Variants in IMPACT observed in about 807,000 individuals in gnomAD.
The protein encoded by IMPACT is impact RWD domain protein.
A neutral mutation model predicts 47.5 loss-of-function variants in IMPACT; 35 were observed. That is an observed-to-expected ratio of 0.74 (90% CI 0.56 to 0.98). The LOEUF is 0.98. IMPACT is among the 50% of genes least tolerant of loss of function. The pLI is 0.00. For synonymous variants in IMPACT, 118 were observed against 125.6 expected (o/e 0.94, Z 0.40); for missense variants, 373 against 394.8 (o/e 0.94, Z 0.47).
At chr18:24,427,103 C>G (rs1013157858) in intron 1 of IMPACT, 13 of 335,132 alleles carry the variant, frequency 3.9e-5, no homozygotes, top group Admixed American at 1.9e-4. Context: ...CTGCCGCCGC[C>G]GAGTCATCTT....
intron 4 of IMPACT, among the ~76,000 whole-genome samples, chr18:24,437,090 G>A (rs1485642033): frequency 1.3e-5 from 2 of 152,172 alleles, no homozygotes; most frequent in African/African-American, 4.8e-5. Flanking sequence ...TGTTTCGAAA[G>A]TTTTGGTGGG....
Position 24,452,790 on chromosome 18 carries a change from T to C in IMPACT, c.*1943T>C, listed in dbSNP as rs1909419090. The C allele has an allele frequency of 1.3e-5, 2 of 152,228 alleles. No homozygotes were observed. Among genetic ancestry groups the C allele is most frequent in the Admixed American group, 1.3e-4 (2 of 15,288 alleles). The allele number at this position is 152,228 out of a possible 1,614,324, so 9.4% of individuals were successfully genotyped here. A position where few individuals can be genotyped will look rare whatever the true frequency, so the allele number is the denominator to read the frequency against. The stretch of plus-strand genomic sequence containing the variant: ...AGATCTATGCTGTGGCATATTTTGC[T>C]TTATTTAAAAATTTTTTTTTAGAGA... On this transcript the variant is annotated 3_prime_UTR_variant, in exon 11 of 11. Coordinates refer to ENST00000284202, the MANE Select transcript of IMPACT (RefSeq NM_018439.4).
At chr18:24,442,768 C>G (rs190116864) in intron 6 of IMPACT, among the ~76,000 whole-genome samples, 39 of 152,266 alleles carry the variant, frequency 2.6e-4, no homozygotes, top group Admixed American at 1.9e-3. Context: ...CTACTGACTG[C>G]AGCAGTTCAA....
chr18:24,434,775 A>AT (rs1187260526), intron 4 of IMPACT, among the ~76,000 whole-genome samples: 35 of 125,132 alleles, frequency 2.8e-4, no homozygotes, highest in African/African-American at 1.1e-3. Context: ...AAAAAAAAAA[A>AT]AATATATATA....
Position 24,426,704 on chromosome 18 carries a change from C to T in IMPACT, c.-53C>T, listed in dbSNP as rs1404174863. The T allele has an allele frequency of 1.6e-6, 2 of 1,224,772 alleles. No individual in the cohort carries two copies. Among genetic ancestry groups the T allele is most frequent in the African/African-American group, 1.6e-5 (1 of 64,050 alleles). The allele number at this position is 1,224,772 out of a possible 1,614,324, so 75.9% of individuals were successfully genotyped here. On this transcript the variant is annotated 5_prime_UTR_variant, in exon 1 of 11. Coordinates refer to ENST00000284202, the MANE Select transcript of IMPACT (RefSeq NM_018439.4). ...TCGGCTCGCAGCCGCAGCGCCCCGC[C>T]CCCGCGCTCCGGACCTGGCAGGCGG...
intron 9 of IMPACT, among the ~76,000 whole-genome samples, chr18:24,448,543 T>A (rs1189827315): frequency 1.3e-5 from 2 of 148,158 alleles, no homozygotes; most frequent in Admixed American, 6.8e-5. Flanking sequence ...AGATCCAGAA[T>A]TTTTTTTTTT....
In IMPACT at chr18:24,426,688, A is replaced by AGCCGCAGCGCCCC. The variant is rs1908614416; in HGVS notation, c.-65_-53dup. ...GCGCCGCAGCCAGCTCTCGGCTCGC[A>AGCCGCAGCGCCCC]GCCGCAGCGCCCCGCCCCCGCGCTC... On this transcript the variant is annotated 5_prime_UTR_variant, in exon 1 of 11. Transcript: ENST00000284202. 8.7e-7 allele frequency: 1 copy of AGCCGCAGCGCCCC among 1,155,362 alleles called. No individual in the cohort carries two copies. The highest frequency in any genetic ancestry group is 1.1e-6 in the Non-Finnish European group (1 of 916,880). The allele number at this position is 1,155,362 out of a possible 1,614,324, so 71.6% of individuals were successfully genotyped here.
chr18:24,432,776 G>A (rs371106591), intron 4 of IMPACT, among the ~76,000 whole-genome samples: 17 of 151,812 alleles, frequency 1.1e-4, no homozygotes, highest in Admixed American at 7.2e-4. Flanking sequence ...TTCATCTAGT[G>A]GCCATTTTTC....
At position 24,450,962 on chromosome 18, in the gene IMPACT, G is replaced by T; in HGVS notation, c.*115G>T. 1.8e-6 allele frequency: 1 copy of T among 560,832 alleles called. No individual in the cohort carries two copies. The highest frequency in any genetic ancestry group is 3.1e-6 in the Non-Finnish European group (1 of 318,320). The allele number at this position is 560,832 out of a possible 1,614,324, so 34.7% of individuals were successfully genotyped here. A position where few individuals can be genotyped will look rare whatever the true frequency, so the allele number is the denominator to read the frequency against. On this transcript the variant is annotated 3_prime_UTR_variant, in exon 11 of 11. Coordinates refer to ENST00000284202, the MANE Select transcript of IMPACT (RefSeq NM_018439.4). ...TTGACTGCTTAAGTCAGCCAGTTCAGCATGGATACCAACATTAGCTTTTCT... is the reference window on the plus strand; with the variant it reads ...TTGACTGCTTAAGTCAGCCAGTTCATCATGGATACCAACATTAGCTTTTCT...
In IMPACT at chr18:24,440,510, A is replaced by G. The variant is rs1353006786; in HGVS notation, c.382A>G (p.Lys128Glu). Residue 128 changes from lysine (K) to glutamate (E), a missense_variant, in exon 6 of 11, where the codon AAG becomes GAG. Physicochemically the swap from Lys to Glu is moderately conservative, Grantham distance 56. Coordinates refer to ENST00000284202, the MANE Select transcript of IMPACT (RefSeq NM_018439.4). ...TATTCACATAGGCCCAGATGTAAAG[A>G]AGAAAACTGAAGAGGAAGATGTTGA... Reference protein sequence around the residue: ...QMTEPGPDVKKKTEEEDVECE... With the variant: ...QMTEPGPDVKEKTEEEDVECE... The G allele has an allele frequency of 1.2e-6, 2 of 1,613,108 alleles. No homozygotes were observed. Among genetic ancestry groups the G allele is most frequent in the Non-Finnish European group, 1.7e-6 (2 of 1,179,474 alleles).
chr18:24,444,423 C>A (rs554489448), intron 7 of IMPACT, among the ~76,000 whole-genome samples: 2 of 152,320 alleles, frequency 1.3e-5, no homozygotes, highest in African/African-American at 2.4e-5. Context: ...GTCTTCCCTG[C>A]CACCAATATT....
intron 7 of IMPACT, 133 bp from the exon 8 acceptor site, chr18:24,445,260 A>G (rs71360553): frequency 1.1e-4 from 55 of 487,066 alleles, no homozygotes; most frequent in Non-Finnish European, 1.8e-4. Flanking sequence ...TTTGGAAATG[A>G]CTTTTTCAGA....
chr18:24,432,942 C>T (rs2144333568), intron 4 of IMPACT, among the ~76,000 whole-genome samples: 1 of 152,186 alleles, frequency 6.6e-6, no homozygotes, highest in South Asian at 2.1e-4. Context: ...CCTGCCTATC[C>T]CCTATCCCAA....
At chr18:24,445,292 A>G in intron 7 of IMPACT, 101 bp from the exon 8 acceptor site, 1 of 706,860 alleles carries the variant, frequency 1.4e-6, no homozygotes, top group Admixed American at 2.9e-5. Context: ...TCTTTAAGTG[A>G]CTATTTATTT....
intron 6 of IMPACT, among the ~76,000 whole-genome samples, chr18:24,441,340 A>G (rs1909106399): frequency 6.6e-6 from 1 of 152,140 alleles, no homozygotes; most frequent in South Asian, 2.1e-4. Context: ...TTACTGGCAC[A>G]TGCCACCATG....
rs1909394656 is a variant in IMPACT at position 24,451,804 on chromosome 18, C to G, written c.*957C>G. ...TTGATGCATGCTTTCCATCTGCACT[C>G]CAGACGGCTTTCTCAGTTCCAAGAT... On this transcript the variant is annotated 3_prime_UTR_variant, in exon 11 of 11. Transcript: ENST00000284202. The G allele has an allele frequency of 1.3e-5, 2 of 152,132 alleles. No homozygotes were observed. The highest frequency in any genetic ancestry group is 1.3e-4 in the Admixed American group (2 of 15,272). The allele number at this position is 152,132 out of a possible 1,614,324, so 9.4% of individuals were successfully genotyped here.
Position 24,450,761 on chromosome 18 carries a change from G to T in IMPACT, c.895-18G>T. On this transcript the variant is annotated intron_variant, in intron 10 of 10. Transcript: ENST00000284202. ...TATGTAAATGGAGAGATGCTGCACT[G>T]ATTTGTGTCTTTTTCAGGAGGAGTC... 6.4e-7 allele frequency: 1 copy of T among 1,573,956 alleles called. No individual in the cohort carries two copies. Among genetic ancestry groups the T allele is most frequent in the South Asian group, 1.1e-5 (1 of 89,696 alleles).
At chr18:24,431,973 A>C (rs758300355) in intron 4 of IMPACT, among the ~76,000 whole-genome samples, 11 of 152,162 alleles carry the variant, frequency 7.2e-5, no homozygotes, top group Non-Finnish European at 1.3e-4. Context: ...AAGTGCTGGG[A>C]TTACAGGTGT....
chr18:24,426,717 A>G lies in IMPACT; in HGVS notation c.-40A>G, dbSNP rs923621249. On this transcript the variant is annotated 5_prime_UTR_variant, in exon 1 of 11. Coordinates refer to ENST00000284202, the MANE Select transcript of IMPACT (RefSeq NM_018439.4). Reference sequence around the variant, plus strand: ...GCAGCGCCCCGCCCCCGCGCTCCGGACCTGGCAGGCGGCGGCTGCAGGGCA... The same window carrying G: ...GCAGCGCCCCGCCCCCGCGCTCCGGGCCTGGCAGGCGGCGGCTGCAGGGCA... 7.2e-5 allele frequency: 89 copies of G among 1,241,932 alleles called. No individual in the cohort carries two copies. Among genetic ancestry groups the G allele is most frequent in the Non-Finnish European group, 6.7e-5 (66 of 992,126 alleles). The allele number at this position is 1,241,932 out of a possible 1,614,324, so 76.9% of individuals were successfully genotyped here.
Sources: allele counts gnomAD v4.1 joint callset (sites outside exome capture counted in the v4.1 genomes callset), GRCh38; gene constraint gnomAD v4.1.1; transcripts MANE v1.5; gene names NCBI Gene and HGNC (gene_info 2026-07-23, HGNC 2026-07-21).